The following LRRK1 variants were observed in gnomAD, a reference collection of about 807,000 sequenced individuals.
LRRK1 encodes the protein leucine-rich repeat serine/threonine-protein kinase 1.
A neutral mutation model predicts 209.1 loss-of-function variants in LRRK1; 113 were observed. That is an observed-to-expected ratio of 0.54 (90% CI 0.46 to 0.63). The LOEUF (loss-of-function observed/expected upper bound fraction) is 0.63, where lower values mean the gene tolerates loss of function less well. LRRK1 is among the 30% of genes least tolerant of loss of function. LRRK1 has a pLI of 0.00. For synonymous variants in LRRK1, 1,144 were observed against 1,099.7 expected, an observed-to-expected ratio of 1.04 and a Z score of -0.80; for missense variants, 2,284 against 2,632.2, an observed-to-expected ratio of 0.87 and a Z score of 2.89.
At chr15:100,976,220 T>G (rs1326947623) in intron 3 of LRRK1, among the ~76,000 whole-genome samples, 1 of 152,350 alleles carries the variant, frequency 6.6e-6, no homozygotes, top group East Asian at 1.9e-4. Flanking sequence ...ATGGTTTTAC[T>G]GGTGTGTTCT....
chr15:100,968,078 T>C (rs2030589313), intron 2 of LRRK1, among the ~76,000 whole-genome samples: 1 of 152,232 alleles, frequency 6.6e-6, no homozygotes, highest in Admixed American at 6.5e-5. Context: ...TCCACCCTTC[T>C]GATTTTTTTT....
intron 27 of LRRK1, among the ~76,000 whole-genome samples, chr15:101,056,274 A>T (rs558613743): frequency 6.6e-6 from 1 of 152,222 alleles, no homozygotes; most frequent in African/African-American, 2.4e-5. Flanking sequence ...GTTGCAATAC[A>T]TAACACTTTT....
intron 2 of LRRK1, among the ~76,000 whole-genome samples, chr15:100,959,039 G>A (rs1439759330): frequency 6.6e-6 from 1 of 152,190 alleles, no homozygotes; most frequent in Admixed American, 6.5e-5. Flanking sequence ...TTGTGCTGAA[G>A]TGACCAGACC....
At position 100,924,771 on chromosome 15, in the gene LRRK1, G is replaced by C. The variant is rs530643829; in HGVS notation, c.97+42G>C. On this transcript the variant is annotated intron_variant, in intron 2 of 33. Transcript: ENST00000388948. ...GCTTATGCCTGCCTGGGTGTGACCT[G>C]CCATGCTCATCCTGCAGGGTGTCTA... 50 of 1,474,608 alleles carry C rather than the reference G, an allele frequency of 3.4e-5. 1 individual carries two copies. In the South Asian group the frequency reaches 5.6e-4, roughly 16 times the overall value. The allele number at this position is 1,474,608 out of a possible 1,614,324, so 91.3% of individuals were successfully genotyped here. A position where few individuals can be genotyped will look rare whatever the true frequency, so the allele number is the denominator to read the frequency against.
At chr15:100,933,821 C>CACAA (rs2042249347) in intron 2 of LRRK1, among the ~76,000 whole-genome samples, 1 of 42,832 alleles carries the variant, frequency 2.3e-5, no homozygotes, top group African/African-American at 9.3e-5. Context: ...GACTCCATCT[C>CACAA]AAAAAAAAAA....
chr15:100,941,466 G>GTGTGTGTCTGTGTGTGTGTC (rs1567191251), intron 2 of LRRK1, among the ~76,000 whole-genome samples: 1 of 108,454 alleles, frequency 9.2e-6, no homozygotes, highest in African/African-American at 4.2e-5. Flanking sequence ...CTATGTCTCT[G>GTGTGTGTCTGTGTGTGTGTC]TGTGTGTGTG....
rs528785434 is a variant in LRRK1 at position 101,075,551 on chromosome 15, G to A, written c.*6703G>A. 16 of 134,884 alleles carry A rather than the reference G, an allele frequency of 1.2e-4. No individual in the cohort carries two copies. The South Asian group carries it at 2.1e-3, about 17-fold the overall frequency. The allele number at this position is 134,884 out of a possible 1,614,324, so 8.4% of individuals were successfully genotyped here. A position where few individuals can be genotyped will look rare whatever the true frequency, so the allele number is the denominator to read the frequency against. On this transcript the variant is annotated 3_prime_UTR_variant, in exon 34 of 34. Transcript: ENST00000388948. ...AATATCCCATCCCACAGCATGCTTTGAAAAGACTAAAGCCTGTTATCACTC... is the reference window on the plus strand; with the variant it reads ...AATATCCCATCCCACAGCATGCTTTAAAAAGACTAAAGCCTGTTATCACTC...
At chr15:100,924,422 G>A (rs1031588007) in intron 1 of LRRK1, 89 bp from the exon 2 acceptor site, 12 of 569,882 alleles carry the variant, frequency 2.1e-5, no homozygotes, top group Non-Finnish European at 2.8e-5. Flanking sequence ...TGTTGCAGAG[G>A]GAAAACTAAA....
intron 10 of LRRK1, among the ~76,000 whole-genome samples, chr15:101,013,033 T>G (rs2033347705): frequency 6.6e-6 from 1 of 152,190 alleles, no homozygotes; most frequent in African/African-American, 2.4e-5. Context: ...CTTGGATTTT[T>G]GGCTTCCCCC....
At position 101,029,179 on chromosome 15, in the gene LRRK1, G is replaced by A. The variant is rs765728370; in HGVS notation, c.2910G>A (p.Gln970=). The change falls in exon 20 of 34, where the codon CAG becomes CAA. Residue 970 remains glutamine, a synonymous_variant. Coordinates refer to ENST00000388948, the MANE Select transcript of LRRK1 (RefSeq NM_024652.6). The stretch of plus-strand genomic sequence containing the variant: ...GCTTCACGCAGCAGACGGAAGAGCA[G>A]TACTTCCAGTTCCTGGCCAAGTTTG... The part of the protein sequence containing the change: ...GTGFTQQTEE[Q]YFQFLAKFEI... 6 of 1,613,890 alleles carry A rather than the reference G, an allele frequency of 3.7e-6. No individual in the cohort carries two copies. Among genetic ancestry groups the A allele is most frequent in the South Asian group, 3.3e-5 (3 of 91,080 alleles).
intron 23 of LRRK1, among the ~76,000 whole-genome samples, chr15:101,051,483 C>T (rs769063274): frequency 5.3e-5 from 8 of 152,188 alleles, no homozygotes; most frequent in African/African-American, 9.7e-5. Flanking sequence ...GGACAGTTCT[C>T]GGAAGCATCC....
At chr15:100,955,423 A>G (rs925620040) in intron 2 of LRRK1, among the ~76,000 whole-genome samples, 1 of 152,206 alleles carries the variant, frequency 6.6e-6, no homozygotes, top group Non-Finnish European at 1.5e-5. Context: ...TTTTCTGCAT[A>G]TAAGATCATG....
chr15:100,993,809 T>C (rs1157923433), intron 6 of LRRK1, among the ~76,000 whole-genome samples: 1 of 152,230 alleles, frequency 6.6e-6, no homozygotes, highest in East Asian at 1.9e-4. Flanking sequence ...AATTTATATT[T>C]ATTACTATTT....
chr15:100,969,485 CTTTTTTTTCAAGT>C (rs2030715482), intron 2 of LRRK1, among the ~76,000 whole-genome samples: 1 of 151,682 alleles, frequency 6.6e-6, no homozygotes, highest in African/African-American at 2.4e-5. Flanking sequence ...GTTATTTTTT[CTTTTTTTTCAAGT>C]TTTTTTTTCA....
chr15:101,027,110 A>G lies in LRRK1; in HGVS notation c.2406-151A>G. On this transcript the variant is annotated intron_variant, in intron 17 of 33. Coordinates refer to ENST00000388948, the MANE Select transcript of LRRK1 (RefSeq NM_024652.6). This position sits in a 1 kb window ranked among gnomAD's most constrained non-coding sequence, Gnocchi z 5.1. The stretch of plus-strand genomic sequence containing the variant: ...GGGCACCCAGCACAGTGATTTGCAC[A>G]AAGCAAGGCCTCAATAAACTTCTTG... 3.3e-6 allele frequency: 3 copies of G among 919,908 alleles called. No homozygotes were observed. Among genetic ancestry groups the G allele is most frequent in the Non-Finnish European group, 4.8e-6 (3 of 618,912 alleles). 57.0% of individuals were successfully genotyped at this position (919,908 alleles called of 1,614,324 possible). A position where few individuals can be genotyped will look rare whatever the true frequency, so the allele number is the denominator to read the frequency against.
At chr15:101,015,470 A>G in intron 12 of LRRK1, 68 bp downstream of exon 12, 2 of 1,215,268 alleles carry the variant, frequency 1.6e-6, no homozygotes, top group Non-Finnish European at 2.4e-6. Context: ...CTGCTCCACC[A>G]AAGTGGGGAT....
intron 6 of LRRK1, among the ~76,000 whole-genome samples, chr15:101,007,847 C>G (rs1460153114): frequency 6.6e-6 from 1 of 152,138 alleles, no homozygotes; most frequent in African/African-American, 2.4e-5. Context: ...GAAATGATGG[C>G]TTAGCTTCCT....
At chr15:100,944,058 C>G (rs12909988) in intron 2 of LRRK1, among the ~76,000 whole-genome samples, 94,174 of 151,942 alleles carry the variant, frequency 0.62, 30,518 homozygotes, top group African/African-American at 0.83. Context: ...AATCATGAAG[C>G]GGGGCTGTTA....
At chr15:100,931,647 G>A (rs1028926003) in intron 2 of LRRK1, among the ~76,000 whole-genome samples, 3 of 152,154 alleles carry the variant, frequency 2.0e-5, no homozygotes, top group Admixed American at 6.5e-5. Flanking sequence ...TGGGGCTGGC[G>A]CGGGAGGCCA....
Sources: gnomAD v4.1 joint callset for allele counts (sites outside exome capture counted in the v4.1 genomes callset) on GRCh38, gnomAD v4.1.1 for gene constraint, Gnocchi (gnomAD v3.1) non-coding constraint, MANE v1.5 for transcripts, NCBI Gene and HGNC (gene_info 2026-07-23, HGNC 2026-07-21) for gene names.